The following MEIS2 variants were observed in gnomAD, a reference collection of about 807,000 sequenced individuals.
MEIS2 encodes Meis homeobox 2.
MEIS2 carries 9 observed loss-of-function variants against 58.6 expected under a neutral mutation model. That is an observed-to-expected ratio of 0.15 (90% CI 0.09 to 0.27). The LOEUF (loss-of-function observed/expected upper bound fraction) is 0.27. Among genes scored for constraint, MEIS2 ranks in the 10% least tolerant of loss-of-function variants. The probability of loss-of-function intolerance (pLI) is 1.00; values close to 1 mark genes in which losing one functional copy is unlikely to be tolerated. For missense variants in MEIS2, 427 were observed against 635.0 expected, an observed-to-expected ratio of 0.67 and a Z score of 3.52; for synonymous variants, 221 against 228.4, an observed-to-expected ratio of 0.97 and a Z score of 0.29.
chr15:37,093,864 A>C (rs1893856531), intron 5 of MEIS2, 134 bp from the exon 6 acceptor site: 3 of 1,093,736 alleles, frequency 2.7e-6, no homozygotes, highest in African/African-American at 1.6e-5. Flanking sequence ...CTTCCAAACT[A>C]ACTCTAATTA....
intron 10 of MEIS2, among the ~76,000 whole-genome samples, chr15:36,895,489 G>A (rs541607673): frequency 5.2e-4 from 79 of 152,238 alleles, no homozygotes; most frequent in Middle Eastern, 3.4e-3. Context: ...CAGGGGGTTC[G>A]TCCTCTGCAG....
At chr15:36,956,140 G>GAGCC (rs1409695312) in intron 8 of MEIS2, among the ~76,000 whole-genome samples, 2 of 141,964 alleles carry the variant, frequency 1.4e-5, no homozygotes, top group Non-Finnish European at 3.0e-5. Context: ...AGCTTGCAGT[G>GAGCC]AGCCGAGCGA....
intron 7 of MEIS2, among the ~76,000 whole-genome samples, chr15:37,078,519 C>T (rs1385113992): frequency 3.4e-5 from 1 of 29,510 alleles, no homozygotes; most frequent in African/African-American, 8.5e-5. Context: ...ATCTATTTCA[C>T]CAGAGTTTTA....
chr15:36,995,407 T>A (rs937866187), intron 8 of MEIS2, among the ~76,000 whole-genome samples: 1 of 152,094 alleles, frequency 6.6e-6, no homozygotes, highest in Non-Finnish European at 1.5e-5. Context: ...TTTTACTTTC[T>A]CCAGTACATT....
Position 37,098,185 on chromosome 15 carries a change from G to C in MEIS2, c.27C>G (p.Pro9=). MAQRYDEL[P]HYGGMDGVGV... is the part of the protein sequence containing the mutation. Reference sequence around the variant, plus strand: ...CTACTCCGTCCATCCCGCCGTAATGGGGCAGCTCATCGTACTGTCAGAACC... The same window carrying C: ...CTACTCCGTCCATCCCGCCGTAATGCGGCAGCTCATCGTACTGTCAGAACC... The change falls in exon 2 of 12, where the codon CCC becomes CCG. Residue 9 remains proline, a synonymous_variant. Transcript: ENST00000561208. 1.9e-6 allele frequency: 3 copies of C among 1,604,514 alleles called. No individual in the cohort carries two copies. The highest frequency in any genetic ancestry group is 2.6e-6 in the Non-Finnish European group (3 of 1,174,162).
chr15:37,081,659 C>T (rs1423725531), intron 7 of MEIS2, among the ~76,000 whole-genome samples: 2 of 152,062 alleles, frequency 1.3e-5, no homozygotes, highest in Non-Finnish European at 2.9e-5. Flanking sequence ...CCAAAATAGT[C>T]CCCATTTTAT....
At chr15:36,901,520 A>G (rs1595681016) in intron 9 of MEIS2, among the ~76,000 whole-genome samples, 1 of 152,138 alleles carries the variant, frequency 6.6e-6, no homozygotes, top group African/African-American at 2.4e-5. Flanking sequence ...CTCACAGACA[A>G]CCGTGAGCAA....
chr15:36,943,114 G>A (rs2058432193), intron 9 of MEIS2, among the ~76,000 whole-genome samples: 1 of 151,984 alleles, frequency 6.6e-6, no homozygotes, highest in African/African-American at 2.4e-5. Flanking sequence ...AGTTGCTATG[G>A]GATAATTGTG....
At chr15:37,059,174 G>C (rs907892937) in intron 7 of MEIS2, among the ~76,000 whole-genome samples, 1 of 152,106 alleles carries the variant, frequency 6.6e-6, no homozygotes, top group Non-Finnish European at 1.5e-5. Context: ...GTTACTAGGG[G>C]AGCAGACTGC....
chr15:37,016,426 A>G (rs2061350041), intron 8 of MEIS2, among the ~76,000 whole-genome samples: 1 of 151,756 alleles, frequency 6.6e-6, no homozygotes, highest in African/African-American at 2.4e-5. Context: ...TGCGAGAGCC[A>G]CTCAATGAGA....
chr15:37,021,198 TACCAGTACCTCTGGAATTAAGG>T (rs1043041961), intron 8 of MEIS2, among the ~76,000 whole-genome samples: 1 of 152,234 alleles, frequency 6.6e-6, no homozygotes, highest in Non-Finnish European at 1.5e-5. Context: ...TTTTCCTCCT[TACCAGTACCTCTGGAATTAAGG>T]ACAAGAAACT....
intron 7 of MEIS2, among the ~76,000 whole-genome samples, chr15:37,046,153 T>C (rs1371005938): frequency 1.3e-5 from 2 of 152,228 alleles, no homozygotes; most frequent in Non-Finnish European, 2.9e-5. Context: ...GGCTCTCCAC[T>C]GAAGAGACCG....
chr15:36,934,725 A>C (rs2058101161), intron 9 of MEIS2, among the ~76,000 whole-genome samples: 1 of 152,244 alleles, frequency 6.6e-6, no homozygotes, highest in Non-Finnish European at 1.5e-5. Flanking sequence ...GGGAGAAAGA[A>C]AAATCTTCCA....
intron 8 of MEIS2, among the ~76,000 whole-genome samples, chr15:36,951,994 G>A (rs942365005): frequency 1.3e-5 from 2 of 152,106 alleles, no homozygotes; most frequent in Admixed American, 1.3e-4. Context: ...GGCTGCTTTG[G>A]TCACTCACAC....
intron 11 of MEIS2, 82 bp downstream of exon 11, chr15:36,895,069 T>C (rs946708208): frequency 1.8e-5 from 21 of 1,192,032 alleles, no homozygotes; most frequent in Non-Finnish European, 2.2e-5. Flanking sequence ...ACCATGACAG[T>C]GGGATAGTAG....
intron 8 of MEIS2, among the ~76,000 whole-genome samples, chr15:36,973,095 C>T (rs1188530046): frequency 6.6e-6 from 1 of 152,224 alleles, no homozygotes; most frequent in Non-Finnish European, 1.5e-5. Context: ...GTCACTTAAT[C>T]TCTCTAAGCC....
At chr15:36,927,578 T>C (rs1371651113) in intron 9 of MEIS2, among the ~76,000 whole-genome samples, 1 of 152,198 alleles carries the variant, frequency 6.6e-6, no homozygotes, top group East Asian at 1.9e-4. Flanking sequence ...GTTCATTAGA[T>C]GTGTTGCTTC....
chr15:37,094,506 G>A lies in MEIS2; in HGVS notation c.489+21C>T, dbSNP rs376315943. ...GAGGGAAATGGTTTAATCAACACGG[G>A]GAGCGTTATTTCCTGCTTACCTTTT... On this transcript the variant is annotated intron_variant, in intron 5 of 11. Transcript: ENST00000561208. 3.1e-5 allele frequency: 50 copies of A among 1,610,440 alleles called. 1 individual carries two copies. The Middle Eastern group carries it at 1.0e-3, about 32-fold the overall frequency.
chr15:36,918,322 A>G (rs2057363268), intron 9 of MEIS2, among the ~76,000 whole-genome samples: 1 of 152,192 alleles, frequency 6.6e-6, no homozygotes, highest in Admixed American at 6.5e-5. Context: ...ATTTTGGACA[A>G]GTTCTTTAAC....
Sources: gnomAD v4.1 joint callset for allele counts (sites outside exome capture counted in the v4.1 genomes callset) on GRCh38, gnomAD v4.1.1 for gene constraint, MANE v1.5 for transcripts, NCBI Gene and HGNC (gene_info 2026-07-23, HGNC 2026-07-21) for gene names.